The following USP9X variants were observed in gnomAD, a reference collection of about 807,000 sequenced individuals.
The protein encoded by USP9X is ubiquitin carboxyl-terminal hydrolase 9X.
In USP9X, 7 loss-of-function variants were observed where a neutral mutation model predicts 190.3. The ratio of observed to expected loss-of-function variants is 0.04; its 90% CI spans 0.02 to 0.07. The LOEUF is 0.07. Among genes scored for constraint, USP9X ranks in the 10% least tolerant of loss-of-function variants. The pLI is 1.00. For synonymous variants in USP9X, 645 were observed against 659.5 expected (o/e 0.98, Z 0.34); for missense variants, 1,010 against 1,916.9 (o/e 0.53, Z 8.83).
At chrX:41,142,456 A>G (rs2062431007) in intron 9 of USP9X, among the ~76,000 whole-genome samples, 1 of 111,569 alleles carries the variant, frequency 9.0e-6, no homozygotes, top group African/African-American at 3.3e-5. Context: ...CTGGGCAACA[A>G]AGCGAGACCC....
At chrX:41,143,843 A>G (rs1274741127) in intron 10 of USP9X, among the ~76,000 whole-genome samples, 1 of 112,217 alleles carries the variant, frequency 8.9e-6, no homozygotes, top group Non-Finnish European at 1.9e-5. Flanking sequence ...CAGAGAATTT[A>G]TAACTCTTCA....
Position 41,235,560 on chromosome X carries a change from A to G in USP9X, c.*3036A>G, listed in dbSNP as rs2063393428. 8.8e-6 allele frequency: 1 copy of G among 113,062 alleles called. No individual in the cohort carries two copies. Among genetic ancestry groups the G allele is most frequent in the Admixed American group, 9.4e-5 (1 of 10,672 alleles). The allele number at this position is 113,062 out of a possible 1,213,427, so 9.3% of individuals were successfully genotyped here. A position where few individuals can be genotyped will look rare whatever the true frequency, so the allele number is the denominator to read the frequency against. On this transcript the variant is annotated 3_prime_UTR_variant, in exon 45 of 45. Transcript: ENST00000378308. ...AGACTGAAGATATTTTAGTTGTAAAACCATGTGAACAAGGGCTTTTGCCCT... is the reference window on the plus strand; with the variant it reads ...AGACTGAAGATATTTTAGTTGTAAAGCCATGTGAACAAGGGCTTTTGCCCT...
chrX:41,089,084 A>G lies in USP9X; in HGVS notation c.-159+2975A>G, dbSNP rs1409549388. 1.9e-4 allele frequency among the ~76,000 whole-genome samples: 21 copies of G among 112,651 alleles called. No individual in the cohort carries two copies. The Admixed American group carries it at 1.9e-3, about 10-fold the overall frequency. On this transcript the variant is annotated intron_variant, in intron 1 of 44. Coordinates refer to ENST00000378308, the MANE Select transcript of USP9X (RefSeq NM_001039591.3). ...AGCATTGTGGATGATTCTTACATGC[A>G]TTTGGAGTTGAAAACCACTGGGCTA...
intron 1 of USP9X, among the ~76,000 whole-genome samples, chrX:41,102,697 G>T (rs758020974): frequency 1.8e-4 from 20 of 112,037 alleles, no homozygotes; most frequent in African/African-American, 6.5e-4. Flanking sequence ...TCTTTTCAGT[G>T]TATTGGGTTA....
At chrX:41,202,048 G>A (rs779061513) in intron 31 of USP9X, among the ~76,000 whole-genome samples, 1 of 111,982 alleles carries the variant, frequency 8.9e-6, no homozygotes, top group African/African-American at 3.2e-5. Context: ...TTGTTTGATG[G>A]TAAGAACCTT....
intron 21 of USP9X, among the ~76,000 whole-genome samples, chrX:41,177,026 T>A (rs923921179): frequency 1.2e-4 from 14 of 112,501 alleles, no homozygotes; most frequent in Non-Finnish European, 2.6e-4. Context: ...ATTAACAGTT[T>A]GCCGTAGTGA....
At chrX:41,090,503 G>A (rs2061947719) in intron 1 of USP9X, among the ~76,000 whole-genome samples, 1 of 112,391 alleles carries the variant, frequency 8.9e-6, no homozygotes, top group East Asian at 2.8e-4. Context: ...TCTTCAACGT[G>A]TGTATACACA....
At chrX:41,112,200 CAT>C (rs886501792) in intron 1 of USP9X, among the ~76,000 whole-genome samples, 2 of 112,402 alleles carry the variant, frequency 1.8e-5, no homozygotes, top group Non-Finnish European at 3.8e-5. Flanking sequence ...CAGTAAAACT[CAT>C]AGTGATGATT....
At chrX:41,086,239 G>C (rs1044418598) in intron 1 of USP9X, 130 bp downstream of exon 1, 6 of 287,398 alleles carry the variant, frequency 2.1e-5, no homozygotes, top group Non-Finnish European at 3.6e-5. Flanking sequence ...GGCCAGGCTG[G>C]GGCTTCCCCG....
At chrX:41,124,444 C>T (rs999943969) in intron 2 of USP9X, among the ~76,000 whole-genome samples, 2 of 110,377 alleles carry the variant, frequency 1.8e-5, no homozygotes, top group African/African-American at 6.6e-5. Flanking sequence ...ACTCCATCTC[C>T]GAAAAAAAAG....
chrX:41,119,845 C>A (rs1295905268), intron 1 of USP9X, among the ~76,000 whole-genome samples: 1 of 112,021 alleles, frequency 8.9e-6, no homozygotes, highest in East Asian at 2.8e-4. Context: ...AGAAAATAAT[C>A]ATTCACATAA....
At chrX:41,198,439 A>C in intron 29 of USP9X, 89 bp from the exon 30 acceptor site, 1 of 549,327 alleles carries the variant, frequency 1.8e-6, no homozygotes, top group Non-Finnish European at 2.6e-6. Context: ...TCCAATGAGT[A>C]ATTTTAAAAT....
At chrX:41,130,508 G>A (rs192645410) in intron 3 of USP9X, among the ~76,000 whole-genome samples, 1,942 of 70,908 alleles carry the variant, frequency 0.027, 35 homozygotes, top group South Asian at 0.17. Context: ...TGTTTTTTTT[G>A]AGATGGAGTC....
intron 1 of USP9X, among the ~76,000 whole-genome samples, chrX:41,121,972 C>T (rs908942693): frequency 1.8e-5 from 2 of 111,985 alleles, no homozygotes; most frequent in Non-Finnish European, 3.8e-5. Flanking sequence ...CCTGTTATGG[C>T]TCTAGGAGTG....
intron 38 of USP9X, among the ~76,000 whole-genome samples, chrX:41,220,049 C>A (rs1300290652): frequency 8.9e-6 from 1 of 111,831 alleles, no homozygotes; most frequent in African/African-American, 3.3e-5. Context: ...GCGTACCTGT[C>A]GTTTCAGGTT....
Position 41,169,975 on chromosome X carries a change from G to A in USP9X, c.2637-20G>A, listed in dbSNP as rs887777255. 3 of 1,207,731 alleles carry A rather than the reference G, an allele frequency of 2.5e-6. No individual in the cohort carries two copies. The highest frequency in any genetic ancestry group is 3.5e-5 in the African/African-American group (2 of 57,171). On this transcript the variant is annotated intron_variant, in intron 18 of 44. Coordinates refer to ENST00000378308, the MANE Select transcript of USP9X (RefSeq NM_001039591.3). Reference sequence around the variant, plus strand: ...GAGTCTGCTGAATATGATGATGTCTGTCTTTCTTTTTCCCCCCAGAGCATT... The same window carrying A: ...GAGTCTGCTGAATATGATGATGTCTATCTTTCTTTTTCCCCCCAGAGCATT...
At chrX:41,145,521 A>G (rs939483292) in intron 11 of USP9X, among the ~76,000 whole-genome samples, 1 of 112,025 alleles carries the variant, frequency 8.9e-6, no homozygotes, top group Non-Finnish European at 1.9e-5. Context: ...ATTTCACGGC[A>G]ATGAAAGAGC....
chrX:41,101,088 T>C lies in USP9X; in HGVS notation c.-159+14979T>C, dbSNP rs777581384. On this transcript the variant is annotated intron_variant, in intron 1 of 44. Transcript: ENST00000378308. ...GGGAGAAGGTACCACATACTGAATT[T>C]AAATATTTTCGTCTTTTATATACTA... Among the ~76,000 whole-genome samples, 3 of 112,225 alleles carry C rather than the reference T, an allele frequency of 2.7e-5. No homozygotes were observed. The East Asian group carries it at 8.3e-4, about 31-fold the overall frequency.
chrX:41,165,449 C>T (rs1004755312), intron 15 of USP9X, among the ~76,000 whole-genome samples: 2 of 112,166 alleles, frequency 1.8e-5, no homozygotes, highest in Non-Finnish European at 3.8e-5. Flanking sequence ...TGGTCACAAA[C>T]TCCTGACCTC....
Sources: allele counts gnomAD v4.1 joint callset (sites outside exome capture counted in the v4.1 genomes callset), GRCh38; gene constraint gnomAD v4.1.1; transcripts MANE v1.5; gene names NCBI Gene and HGNC (gene_info 2026-07-23, HGNC 2026-07-21).